Variants in UBE2E2 observed in about 807,000 individuals in gnomAD.
UBE2E2 encodes ubiquitin conjugating enzyme E2 E2.
Under a neutral mutation model 24.7 loss-of-function variants are expected in UBE2E2, and 6 were observed. The observed-to-expected ratio is 0.24, with a 90% CI of 0.13 to 0.48. The LOEUF (loss-of-function observed/expected upper bound fraction) is 0.48, where lower values mean the gene tolerates loss of function less well. Ranked by LOEUF, UBE2E2 falls within the 20% of genes least tolerant of loss-of-function variation. The pLI is 0.99. For synonymous variants in UBE2E2, 104 were observed against 83.6 expected (o/e 1.24, Z -1.33); for missense variants, 169 against 245.0 (o/e 0.69, Z 2.07).
chr3:23,370,275 A>G (rs531070481), intron 3 of UBE2E2, among the ~76,000 whole-genome samples: 1 of 152,210 alleles, frequency 6.6e-6, no homozygotes, highest in South Asian at 2.1e-4. Context: ...TAAGTTTGTT[A>G]TTTTGAATCA....
At chr3:23,262,206 T>C (rs1287396718) in intron 3 of UBE2E2, among the ~76,000 whole-genome samples, 1 of 152,250 alleles carries the variant, frequency 6.6e-6, no homozygotes, top group African/African-American at 2.4e-5. Flanking sequence ...ATGATAGTAA[T>C]GTTGAACATT....
At chr3:23,262,804 T>C (rs999489798) in intron 3 of UBE2E2, among the ~76,000 whole-genome samples, 1 of 152,320 alleles carries the variant, frequency 6.6e-6, no homozygotes. Flanking sequence ...TTGCACATGC[T>C]TTTGGTGTCA....
At position 23,583,957 on chromosome 3, in the gene UBE2E2, C is replaced by CT. The variant is rs1158615107; in HGVS notation, c.509-5776dup. On this transcript the variant is annotated intron_variant, in intron 5 of 5. Transcript: ENST00000396703. This position sits in a 1 kb window ranked among gnomAD's most constrained non-coding sequence, Gnocchi z 4.1. ...GCTAAGAATTCCAGTGTAATATTGA[C>CT]TAGGAGTAGTGAGAGAGGGCATCCT... Among the ~76,000 whole-genome samples the CT allele has an allele frequency of 6.6e-6, 1 of 152,074 alleles. No homozygotes were observed. Among genetic ancestry groups the CT allele is most frequent in the Non-Finnish European group, 1.5e-5 (1 of 67,994 alleles).
intron 3 of UBE2E2, among the ~76,000 whole-genome samples, chr3:23,278,982 T>G (rs904875922): frequency 1.3e-5 from 2 of 152,190 alleles, no homozygotes; most frequent in Non-Finnish European, 2.9e-5. Context: ...GGATACTAAA[T>G]TATCCCTTCT....
chr3:23,422,777 C>T (rs1697832768), intron 3 of UBE2E2, among the ~76,000 whole-genome samples: 2 of 152,186 alleles, frequency 1.3e-5, no homozygotes, highest in South Asian at 4.1e-4. Flanking sequence ...CTTGGAAATT[C>T]TTCTGTTCCT....
intron 5 of UBE2E2, among the ~76,000 whole-genome samples, chr3:23,588,938 C>G (rs1022945088): frequency 6.6e-6 from 1 of 152,062 alleles, no homozygotes; most frequent in Non-Finnish European, 1.5e-5. Context: ...ACCATCTCTC[C>G]CCTCTTTTGA....
At chr3:23,343,499 C>T (rs1386346912) in intron 3 of UBE2E2, among the ~76,000 whole-genome samples, 1 of 151,936 alleles carries the variant, frequency 6.6e-6, no homozygotes, top group African/African-American at 2.4e-5. Flanking sequence ...TCGCTTGAAC[C>T]TGGGGAACAG....
rs1464546484 is a variant in UBE2E2 at position 23,249,652 on chromosome 3, G to GA, written c.227+32341dup. Among the ~76,000 whole-genome samples, 5 of 130,820 alleles carry GA rather than the reference G, an allele frequency of 3.8e-5. 1 individual carries two copies. The highest frequency in any genetic ancestry group is 1.4e-4 in the African/African-American group (5 of 34,882). 85.8% of individuals were successfully genotyped at this position (130,820 alleles called of 152,430 possible). A position where few individuals can be genotyped will look rare whatever the true frequency, so the allele number is the denominator to read the frequency against. ...AAAATAAAATGTGTGTATTAACTCA[G>GA]ATTTTTTTTTTTTTAAATTTTGAGA... On this transcript the variant is annotated intron_variant, in intron 3 of 5. Transcript: ENST00000396703.
At chr3:23,437,619 C>T (rs1282626148) in intron 3 of UBE2E2, among the ~76,000 whole-genome samples, 1 of 152,148 alleles carries the variant, frequency 6.6e-6, no homozygotes, top group Non-Finnish European at 1.5e-5. Flanking sequence ...GAGAGGAATG[C>T]CGGAGGCCCT....
At chr3:23,207,518 A>G (rs879364225) in intron 1 of UBE2E2, among the ~76,000 whole-genome samples, 1 of 152,026 alleles carries the variant, frequency 6.6e-6, no homozygotes, top group East Asian at 1.9e-4. Context: ...TTCAATTTTT[A>G]TTTAGAATCA....
rs199962167 is a variant in UBE2E2, at chr3:23,426,915, T to TAC, written c.228-72683_228-72682dup. Among the ~76,000 whole-genome samples the TAC allele has an allele frequency of 1.7e-3, 262 of 152,202 alleles. 4 individuals are homozygous for TAC. In the East Asian group the frequency reaches 0.022, roughly 13 times the overall value. ...ATAGCAACAATATATTGTGTGCGTATACACACACACATATATATATACTTA... is the reference window on the plus strand; with the variant it reads ...ATAGCAACAATATATTGTGTGCGTATACACACACACACATATATATATACTTA... On this transcript the variant is annotated intron_variant, in intron 3 of 5. Transcript: ENST00000396703.
At chr3:23,449,639 C>G (rs1559387114) in intron 3 of UBE2E2, among the ~76,000 whole-genome samples, 1 of 152,144 alleles carries the variant, frequency 6.6e-6, no homozygotes, top group Non-Finnish European at 1.5e-5. Context: ...ATTGAAAATT[C>G]TTATGACAGT....
At chr3:23,539,255 GA>G (rs1695333120) in intron 5 of UBE2E2, among the ~76,000 whole-genome samples, 1 of 152,168 alleles carries the variant, frequency 6.6e-6, no homozygotes. Flanking sequence ...TTGCCTTGGT[GA>G]AAAGGAGCAT....
At chr3:23,519,778 G>C (rs1694818532) in intron 4 of UBE2E2, among the ~76,000 whole-genome samples, 1 of 152,128 alleles carries the variant, frequency 6.6e-6, no homozygotes, top group Admixed American at 6.6e-5. Context: ...GTGGGCTCAA[G>C]TGATCTTCCC....
intron 3 of UBE2E2, among the ~76,000 whole-genome samples, chr3:23,422,992 G>A (rs907592419): frequency 6.6e-6 from 1 of 152,166 alleles, no homozygotes; most frequent in Non-Finnish European, 1.5e-5. Flanking sequence ...AAGTCAGTAT[G>A]TAAAGTCAGT....
At position 23,532,639 on chromosome 3, in the gene UBE2E2, C is replaced by T; in HGVS notation, c.446C>T (p.Pro149Leu). Residue 149 changes from proline to leucine, a missense_variant, in exon 5 of 6, where the codon CCG (proline) becomes CTG (leucine). By Grantham distance (98) the Pro-to-Leu change is moderately conservative. Transcript: ENST00000396703. The part of the protein sequence containing the change: ...CLDILKDNWS[P>L]ALTISKVLLS... ...GACATCTTAAAGGACAACTGGAGTC[C>T]GGCTTTAACTATTTCTAAAGTTCTC... 4 of 1,574,794 alleles carry T rather than the reference C, an allele frequency of 2.5e-6. No individual in the cohort carries two copies. The highest frequency in any genetic ancestry group is 2.6e-6 in the Non-Finnish European group (3 of 1,152,902).
Position 23,392,289 on chromosome 3 carries a change from C to G in UBE2E2, c.228-107319C>G, listed in dbSNP as rs557754556. On this transcript the variant is annotated intron_variant, in intron 3 of 5. Transcript: ENST00000396703. ...ACTCATTCACTCAACAAATTGAGTGCCTGATATGCATGAGACTGTGTAAAC... is the reference window on the plus strand; with the variant it reads ...ACTCATTCACTCAACAAATTGAGTGGCTGATATGCATGAGACTGTGTAAAC... Among the ~76,000 whole-genome samples, 127 of 152,202 alleles carry G rather than the reference C, an allele frequency of 8.3e-4. 2 individuals are homozygous for G. Among genetic ancestry groups the G allele is most frequent in the African/African-American group, 2.9e-3 (121 of 41,528 alleles).
At chr3:23,308,498 C>T (rs895774312) in intron 3 of UBE2E2, among the ~76,000 whole-genome samples, 5 of 151,976 alleles carry the variant, frequency 3.3e-5, no homozygotes, top group Non-Finnish European at 7.4e-5. Context: ...GTAATGAAAA[C>T]AGTTTTGCTA....
At chr3:23,525,488 T>A (rs183411835) in intron 4 of UBE2E2, among the ~76,000 whole-genome samples, 1 of 152,344 alleles carries the variant, frequency 6.6e-6, no homozygotes, top group East Asian at 1.9e-4. Context: ...TTTTTAAAAT[T>A]TCCTTTTTAT....
Sources: gnomAD v4.1 joint callset for allele counts (sites outside exome capture counted in the v4.1 genomes callset) on GRCh38, gnomAD v4.1.1 for gene constraint, Gnocchi (gnomAD v3.1) non-coding constraint, MANE v1.5 for transcripts, NCBI Gene and HGNC (gene_info 2026-07-23, HGNC 2026-07-21) for gene names.